The following NCKAP5 variants were observed in gnomAD, a reference collection of about 807,000 sequenced individuals.
NCKAP5 encodes the protein nck-associated protein 5.
A neutral mutation model predicts 167.0 loss-of-function variants in NCKAP5; 92 were observed. The observed-to-expected ratio is 0.55, with a 90% CI of 0.47 to 0.66. NCKAP5 has a LOEUF of 0.66. Ranked by LOEUF, NCKAP5 falls within the 30% of genes least tolerant of loss-of-function variation. The pLI is 0.00. For missense variants in NCKAP5, 2,378 were observed against 2,315.0 expected, an observed-to-expected ratio of 1.03 and a Z score of -0.56; for synonymous variants, 891 against 877.4, an observed-to-expected ratio of 1.02 and a Z score of -0.27.
chr2:132,774,782 A>G (rs1222066381), intron 15 of NCKAP5, among the ~76,000 whole-genome samples: 1 of 152,238 alleles, frequency 6.6e-6, no homozygotes, highest in African/African-American at 2.4e-5. Flanking sequence ...TGCTGTTTGC[A>G]CGTAAGATCT....
At chr2:133,302,762 C>T (rs1366472783) in intron 4 of NCKAP5, among the ~76,000 whole-genome samples, 1 of 146,128 alleles carries the variant, frequency 6.8e-6, no homozygotes, top group Admixed American at 6.9e-5. Context: ...GCACATGTAC[C>T]CTAAAACTTA....
chr2:133,487,640 G>A (rs149655229), intron 3 of NCKAP5, among the ~76,000 whole-genome samples: 145 of 152,276 alleles, frequency 9.5e-4, no homozygotes, highest in Middle Eastern at 3.4e-3. Flanking sequence ...ATGTATTTAT[G>A]TATCAGTCCC....
intron 6 of NCKAP5, among the ~76,000 whole-genome samples, chr2:133,088,995 C>T (rs2081084856): frequency 6.6e-6 from 1 of 152,118 alleles, no homozygotes; most frequent in African/African-American, 2.4e-5. Flanking sequence ...TAGAGGGAAA[C>T]CACCTTAAAT....
intron 6 of NCKAP5, among the ~76,000 whole-genome samples, chr2:133,009,038 A>G (rs1309024193): frequency 1.3e-5 from 2 of 152,134 alleles, no homozygotes; most frequent in Non-Finnish European, 2.9e-5. Flanking sequence ...GTGTCTCCTT[A>G]GTCCTGAAAT....
chr2:133,502,049 C>T (rs779409578), intron 3 of NCKAP5, among the ~76,000 whole-genome samples: 9 of 152,224 alleles, frequency 5.9e-5, no homozygotes, highest in Non-Finnish European at 1.0e-4. Context: ...CCGTTCGCCT[C>T]GCTTGCTGTG....
intron 13 of NCKAP5, 147 bp from the exon 14 acceptor site, chr2:132,785,865 A>T: frequency 1.7e-6 from 1 of 594,092 alleles, no homozygotes; most frequent in East Asian, 3.4e-5. Context: ...TAATTAATTT[A>T]TTCACAAACT....
chr2:133,196,441 G>A (rs1011966158), intron 5 of NCKAP5, among the ~76,000 whole-genome samples: 17 of 152,264 alleles, frequency 1.1e-4, no homozygotes, highest in South Asian at 8.3e-4. Context: ...GCACACAAGC[G>A]CTTGACATCT....
chr2:133,271,981 T>C (rs979343955), intron 4 of NCKAP5, among the ~76,000 whole-genome samples: 2 of 152,132 alleles, frequency 1.3e-5, no homozygotes, highest in Non-Finnish European at 2.9e-5. Flanking sequence ...TATTTTATTA[T>C]TCTGGTCTTT....
chr2:133,275,959 A>G (rs1574575610), intron 4 of NCKAP5, among the ~76,000 whole-genome samples: 1 of 151,940 alleles, frequency 6.6e-6, no homozygotes, highest in East Asian at 1.9e-4. Flanking sequence ...TAAAAGTTAT[A>G]CAGAGTATGC....
At chr2:132,952,458 C>A (rs185806937) in intron 8 of NCKAP5, among the ~76,000 whole-genome samples, 9 of 152,294 alleles carry the variant, frequency 5.9e-5, no homozygotes, top group East Asian at 5.8e-4. Flanking sequence ...AGACCCCCCC[C>A]ACTCCTTGGC....
chr2:133,581,516 T>A, the NCKAP5 span, among the ~76,000 whole-genome samples: 1 of 152,200 alleles, frequency 6.6e-6, no homozygotes, highest in South Asian at 2.1e-4. Flanking sequence ...CAGGTTCCTC[T>A]GACAGCTGCA....
intron 5 of NCKAP5, among the ~76,000 whole-genome samples, chr2:133,176,226 G>A (rs2084454333): frequency 2.0e-5 from 3 of 152,238 alleles, no homozygotes; most frequent in South Asian, 4.1e-4. Context: ...AGTCCCAGGC[G>A]CTCACCAAGT....
intron 11 of NCKAP5, among the ~76,000 whole-genome samples, chr2:132,819,058 A>G (rs1686505861): frequency 6.6e-6 from 1 of 152,160 alleles, no homozygotes; most frequent in Non-Finnish European, 1.5e-5. Flanking sequence ...CATTAAAAGC[A>G]TTATTCTGAG....
At chr2:133,129,292 G>A (rs1448209746) in intron 6 of NCKAP5, among the ~76,000 whole-genome samples, 1 of 150,786 alleles carries the variant, frequency 6.6e-6, no homozygotes, top group Non-Finnish European at 1.5e-5. Flanking sequence ...TCCCCTTCCT[G>A]TGTCCATGTG....
intron 6 of NCKAP5, among the ~76,000 whole-genome samples, chr2:133,023,044 G>A (rs928288580): frequency 2.6e-5 from 4 of 152,166 alleles, no homozygotes; most frequent in African/African-American, 4.8e-5. Context: ...GTGGAGCCTC[G>A]AGGTGACTCC....
chr2:133,018,636 A>G (rs900427481), intron 6 of NCKAP5, among the ~76,000 whole-genome samples: 1 of 152,208 alleles, frequency 6.6e-6, no homozygotes, highest in African/African-American at 2.4e-5. Context: ...TGTGCACAGC[A>G]AGTGCTCTTA....
chr2:133,607,599 A>G, the NCKAP5 span, among the ~76,000 whole-genome samples: 1 of 152,232 alleles, frequency 6.6e-6, no homozygotes, highest in Non-Finnish European at 1.5e-5. Context: ...TCTCCTGTGA[A>G]TAATAGATAC....
the NCKAP5 span, among the ~76,000 whole-genome samples, chr2:133,606,702 C>T: frequency 7.4e-6 from 1 of 134,438 alleles, no homozygotes; most frequent in Non-Finnish European, 1.6e-5. Flanking sequence ...GCTTGAGAAT[C>T]TCTGCCATAA....
At chr2:133,127,688 G>A (rs2149786369) in intron 6 of NCKAP5, among the ~76,000 whole-genome samples, 1 of 152,278 alleles carries the variant, frequency 6.6e-6, no homozygotes, top group East Asian at 1.9e-4. Context: ...TGCAAAGAGA[G>A]CAAGATCTGC....
Sources: allele counts gnomAD v4.1 joint callset (sites outside exome capture counted in the v4.1 genomes callset), GRCh38; gene constraint gnomAD v4.1.1; transcripts MANE v1.5; gene names NCBI Gene and HGNC (gene_info 2026-07-23, HGNC 2026-07-21).